LMNTD1: variants seen among roughly 807,000 people sequenced by gnomAD.
LMNTD1 encodes lamin tail domain-containing protein 1.
A neutral mutation model predicts 50.9 loss-of-function variants in LMNTD1; 35 were observed. The ratio of observed to expected loss-of-function variants is 0.69; its 90% CI spans 0.53 to 0.91. LMNTD1 has a LOEUF of 0.91. Among genes scored for constraint, LMNTD1 ranks in the 40% least tolerant of loss-of-function variants. The pLI is 0.00. For missense variants in LMNTD1, 470 were observed against 475.5 expected (o/e 0.99, Z 0.11); for synonymous variants, 153 against 161.9 (o/e 0.94, Z 0.42).
At chr12:25,563,068 G>A (rs1236614150) in intron 1 of LMNTD1, among the ~76,000 whole-genome samples, 4 of 152,120 alleles carry the variant, frequency 2.6e-5, no homozygotes, top group Non-Finnish European at 5.9e-5. Flanking sequence ...TATCTTCTTT[G>A]TGATGGGTTC....
At chr12:25,556,276 A>C (rs1944040412), upstream of LMNTD1, among the ~76,000 whole-genome samples, 1 of 152,062 alleles carries the variant, frequency 6.6e-6, no homozygotes, top group African/African-American at 2.4e-5. Flanking sequence ...CCAGTGCAAT[A>C]ATCTTTATAC....
intron 4 of LMNTD1, among the ~76,000 whole-genome samples, chr12:25,543,166 G>A (rs925837116): frequency 6.6e-6 from 1 of 151,574 alleles, no homozygotes; most frequent in Non-Finnish European, 1.5e-5. Context: ...GGCCCAGATG[G>A]CTTCACCAAT....
At chr12:25,623,364 A>G (rs148645229) in intron 1 of LMNTD1, among the ~76,000 whole-genome samples, 3,391 of 152,066 alleles carry the variant, frequency 0.022, 47 homozygotes, top group Middle Eastern at 0.14. Flanking sequence ...AGCCTGGCCA[A>G]CATGGTAAAA....
intron 9 of LMNTD1, among the ~76,000 whole-genome samples, chr12:25,488,908 C>T (rs1565937183): frequency 6.6e-6 from 1 of 152,088 alleles, no homozygotes. Context: ...CAGTGTGCCC[C>T]TGCTGGGGGG....
chr12:25,568,132 G>A (rs1408277535), intron 1 of LMNTD1, among the ~76,000 whole-genome samples: 1 of 152,174 alleles, frequency 6.6e-6, no homozygotes, highest in African/African-American at 2.4e-5. Context: ...ATGGAAATGA[G>A]GGACTTTTCA....
intron 1 of LMNTD1, among the ~76,000 whole-genome samples, chr12:25,619,258 A>C (rs201101631): frequency 0.094 from 5,248 of 55,970 alleles, 72 homozygotes; most frequent in African/African-American, 0.15. Context: ...CTCTCTATAT[A>C]TATATATATA....
intron 9 of LMNTD1, among the ~76,000 whole-genome samples, chr12:25,491,558 G>C (rs1396012273): frequency 6.6e-6 from 1 of 152,216 alleles, no homozygotes; most frequent in Non-Finnish European, 1.5e-5. Context: ...GTTATTTGCT[G>C]GGTTATAGAC....
At chr12:25,606,125 C>T (rs1191522823) in intron 1 of LMNTD1, among the ~76,000 whole-genome samples, 1 of 152,098 alleles carries the variant, frequency 6.6e-6, no homozygotes, top group Non-Finnish European at 1.5e-5. Flanking sequence ...CATGATTTGG[C>T]TCTCTGTTTG....
chr12:25,636,403 A>G (rs987815503), intron 1 of LMNTD1, among the ~76,000 whole-genome samples: 11 of 152,252 alleles, frequency 7.2e-5, no homozygotes, highest in Non-Finnish European at 1.2e-4. Flanking sequence ...AGTAATGAAC[A>G]GGGAAATGCA....
intron 1 of LMNTD1, among the ~76,000 whole-genome samples, chr12:25,607,739 G>T (rs1297991727): frequency 6.6e-6 from 1 of 152,196 alleles, no homozygotes; most frequent in Admixed American, 6.5e-5. Context: ...TGGCTGAAGA[G>T]TGCTTTACTT....
intron 1 of LMNTD1, among the ~76,000 whole-genome samples, chr12:25,613,231 A>T (rs1028902159): frequency 3.9e-5 from 6 of 152,176 alleles, no homozygotes; most frequent in African/African-American, 1.4e-4. Context: ...TAGCAACAGA[A>T]AGTCAATGCA....
chr12:25,565,980 A>G (rs1944541961), intron 1 of LMNTD1, among the ~76,000 whole-genome samples: 1 of 152,112 alleles, frequency 6.6e-6, no homozygotes, highest in African/African-American at 2.4e-5. Flanking sequence ...TTGGAGCTCC[A>G]TTGTAGGTTA....
Position 25,641,510 on chromosome 12 carries a change from A to G in LMNTD1, c.58+6984T>C, listed in dbSNP as rs192862404. Among the ~76,000 whole-genome samples the G allele has an allele frequency of 2.9e-3, 445 of 152,302 alleles. 2 individuals are homozygous for G. Among genetic ancestry groups the G allele is most frequent in the African/African-American group, 0.01 (428 of 41,570 alleles). On this transcript the variant is annotated intron_variant, in intron 1 of 7. Coordinates refer to the LMNTD1 transcript ENST00000445693. ...TGTTCAGTTAAAGGGGAATAACATA[A>G]CATCTTTCCTACTTGGTAAGATTAT...
intron 1 of LMNTD1, among the ~76,000 whole-genome samples, chr12:25,585,480 A>T (rs1945481446): frequency 6.6e-6 from 1 of 152,204 alleles, no homozygotes; most frequent in Non-Finnish European, 1.5e-5. Flanking sequence ...AAAGGAAAAA[A>T]CTTCTTAACT....
intron 4 of LMNTD1, among the ~76,000 whole-genome samples, chr12:25,527,621 T>G (rs1941827641): frequency 7.7e-6 from 1 of 129,812 alleles, no homozygotes; most frequent in East Asian, 2.3e-4. Flanking sequence ...ACCACTTATA[T>G]GCCAGGCACT....
intron 1 of LMNTD1, among the ~76,000 whole-genome samples, chr12:25,606,410 A>G (rs1235599512): frequency 1.3e-5 from 2 of 152,160 alleles, no homozygotes; most frequent in African/African-American, 4.8e-5. Context: ...GTCTTGTGCC[A>G]GTTTTCAAAG....
chr12:25,585,353 A>G (rs1945475122), intron 1 of LMNTD1, among the ~76,000 whole-genome samples: 1 of 152,204 alleles, frequency 6.6e-6, no homozygotes. Flanking sequence ...GAAATTAGCA[A>G]TTACAAAGTG....
intron 9 of LMNTD1, among the ~76,000 whole-genome samples, chr12:25,480,143 CAGATT>C (rs1321483869): frequency 6.6e-6 from 1 of 152,188 alleles, no homozygotes; most frequent in Non-Finnish European, 1.5e-5. Context: ...CCTTCACACT[CAGATT>C]AAATAGTTCC....
chr12:25,567,828 A>G (rs1480553491), intron 1 of LMNTD1, among the ~76,000 whole-genome samples: 1 of 144,266 alleles, frequency 6.9e-6, no homozygotes, highest in African/African-American at 2.6e-5. Flanking sequence ...TTGTGAGCCA[A>G]CTTAAATCTC....
Sources: allele counts gnomAD v4.1 joint callset (sites outside exome capture counted in the v4.1 genomes callset), GRCh38; gene constraint gnomAD v4.1.1; transcripts MANE v1.5; gene names NCBI Gene and HGNC (gene_info 2026-07-23, HGNC 2026-07-21).